Variants in VAV2 observed in about 807,000 individuals in gnomAD.
The protein encoded by VAV2 is vav guanine nucleotide exchange factor 2.
VAV2 carries 67 observed loss-of-function variants against 132.5 expected under a neutral mutation model. The observed-to-expected ratio is 0.51, with a 90% CI of 0.42 to 0.62. VAV2 has a LOEUF of 0.62. Ranked by LOEUF, VAV2 falls within the 20% of genes least tolerant of loss-of-function variation. The pLI is 0.00. For missense variants in VAV2, 938 were observed against 1,153.6 expected (o/e 0.81, Z 2.71); for synonymous variants, 492 against 443.5 (o/e 1.11, Z -1.37).
chr9:133,834,372 A>C lies in VAV2; in HGVS notation c.381-32T>G. On this transcript the variant is annotated intron_variant, in intron 3 of 29. Transcript: ENST00000371850. The surrounding 1 kb of genome is among the most constrained non-coding windows in gnomAD (Gnocchi z 5.9). Reference sequence around the variant, plus strand: ...AAGAGAAGGCGAGAGGGAGGTGAGCAGGTCCCGGCACTGCCGGCCAGTGGG... The same window carrying C: ...AAGAGAAGGCGAGAGGGAGGTGAGCCGGTCCCGGCACTGCCGGCCAGTGGG... The C allele has an allele frequency of 1.9e-6, 3 of 1,603,974 alleles. No homozygotes were observed. Among genetic ancestry groups the C allele is most frequent in the Non-Finnish European group, 2.6e-6 (3 of 1,174,938 alleles).
intron 2 of VAV2, among the ~76,000 whole-genome samples, chr9:133,881,012 A>AC (rs558480176): frequency 6.6e-6 from 1 of 151,822 alleles, no homozygotes; most frequent in African/African-American, 2.4e-5. Flanking sequence ...GGGCAGCAAC[A>AC]CCCCCCTCCA....
At chr9:133,937,493 A>T (rs1480803656) in intron 2 of VAV2, among the ~76,000 whole-genome samples, 188 of 149,154 alleles carry the variant, frequency 1.3e-3, no homozygotes, top group Non-Finnish European at 2.1e-3. Context: ...TGGGTGCAAG[A>T]GTGTGTGCGT....
intron 4 of VAV2, among the ~76,000 whole-genome samples, chr9:133,820,489 A>T (rs78122139): frequency 1.3e-5 from 2 of 151,804 alleles, no homozygotes; most frequent in Non-Finnish European, 1.5e-5. Flanking sequence ...ACGCCCGGCT[A>T]ATTTTTTTTG....
intron 2 of VAV2, among the ~76,000 whole-genome samples, chr9:133,876,545 G>A (rs1009025173): frequency 1.3e-5 from 2 of 152,266 alleles, no homozygotes; most frequent in Non-Finnish European, 2.9e-5. Flanking sequence ...ACCAAAGAGC[G>A]GAGGCCTGTC....
chr9:133,962,960 T>C (rs569023918), intron 1 of VAV2, among the ~76,000 whole-genome samples: 1 of 152,302 alleles, frequency 6.6e-6, no homozygotes, highest in Non-Finnish European at 1.5e-5. Context: ...TTTGCAAATC[T>C]CAATTTCGCC....
intron 2 of VAV2, among the ~76,000 whole-genome samples, 177 bp from the exon 3 acceptor site, chr9:133,861,609 A>G (rs1226961137): frequency 1.3e-5 from 2 of 152,216 alleles, no homozygotes; most frequent in East Asian, 1.9e-4. Context: ...TTTGCTGAGC[A>G]AAACTTGTCA....
intron 19 of VAV2, 38 bp downstream of exon 19, chr9:133,783,465 G>A (rs1028841766): frequency 3.8e-6 from 6 of 1,566,134 alleles, no homozygotes; most frequent in Non-Finnish European, 5.2e-6. Flanking sequence ...AGCAGGCGTG[G>A]CCAGGGACTG....
chr9:133,950,909 G>A (rs1588159600), intron 1 of VAV2, among the ~76,000 whole-genome samples: 1 of 152,082 alleles, frequency 6.6e-6, no homozygotes, highest in South Asian at 2.1e-4. Flanking sequence ...AGCGCAATTG[G>A]ACAATCCAAC....
intron 24 of VAV2, 80 bp downstream of exon 24, chr9:133,775,948 C>T: frequency 1.3e-6 from 2 of 1,503,750 alleles, no homozygotes; most frequent in African/African-American, 1.4e-5. Flanking sequence ...CGCTCACAGG[C>T]ACCACCCAGA....
rs1012487581 is a variant in VAV2 at position 133,772,024 on chromosome 9, T to C, written c.2158A>G (p.Ile720Val). The C allele has an allele frequency of 4.9e-6, 7 of 1,419,706 alleles. No individual in the cohort carries two copies. Among genetic ancestry groups the C allele is most frequent in the East Asian group, 2.3e-5 (1 of 44,270 alleles). 87.9% of individuals were successfully genotyped at this position (1,419,706 alleles called of 1,614,324 possible). The change falls in exon 26 of 30, where the codon ATC becomes GTC. Residue 720 changes from isoleucine to valine, a missense_variant. By Grantham distance (29) the Ile-to-Val change is conservative. Transcript: ENST00000371850. ...SIKFNDEVKH[I>V]KVVEKDNWIH... is the part of the protein sequence containing the mutation. ...CAGTTGTCCTTCTCCACCACCTTGATGTGCTTCACCTCATCATTGAACCTG... is the reference window on the plus strand; with the variant it reads ...CAGTTGTCCTTCTCCACCACCTTGACGTGCTTCACCTCATCATTGAACCTG...
In VAV2 at chr9:133,904,137, G is replaced by GA. The variant is rs1017713670; in HGVS notation, c.321+34965dup. Among the ~76,000 whole-genome samples, 91 of 152,284 alleles carry GA rather than the reference G, an allele frequency of 6.0e-4. 1 individual carries two copies. The highest frequency in any genetic ancestry group is 1.0e-3 in the Non-Finnish European group (71 of 68,018). On this transcript the variant is annotated intron_variant, in intron 2 of 29. Coordinates refer to ENST00000371850, the MANE Select transcript of VAV2 (RefSeq NM_001134398.2). ...TCTGTGCCCCAAATCACAGATGAGC[G>GA]AATGGGGCTCCAGCCCGTGTCCTGG...
rs1840228222 is a variant in VAV2 at position 133,919,788 on chromosome 9, T to C, written c.321+19315A>G. ...TCTTGGCATCCGTGAGGCAGAGACA[T>C]GGAAGATGGAAGGTCCCCGCTGCCC... On this transcript the variant is annotated intron_variant, in intron 2 of 29. Transcript: ENST00000371850. This position sits in a 1 kb window ranked among gnomAD's most constrained non-coding sequence, Gnocchi z 5.8. Among the ~76,000 whole-genome samples the C allele has an allele frequency of 6.6e-6, 1 of 152,118 alleles. No individual in the cohort carries two copies. Among genetic ancestry groups the C allele is most frequent in the South Asian group, 2.1e-4 (1 of 4,824 alleles).
intron 2 of VAV2, among the ~76,000 whole-genome samples, chr9:133,922,594 G>A (rs548694939): frequency 4.6e-5 from 7 of 152,202 alleles, no homozygotes; most frequent in Non-Finnish European, 1.0e-4. Context: ...GCCATTCAGT[G>A]GGAAAGAATC....
chr9:133,851,800 AATGGATGG>A (rs141641770), intron 3 of VAV2, among the ~76,000 whole-genome samples: 115 of 138,142 alleles, frequency 8.3e-4, no homozygotes, highest in African/African-American at 2.4e-3. Context: ...TGGGTGAATA[AATGGATGG>A]ATGGATGGAT....
chr9:133,941,511 G>T (rs1351176552), intron 1 of VAV2, among the ~76,000 whole-genome samples: 1 of 151,696 alleles, frequency 6.6e-6, no homozygotes, highest in African/African-American at 2.4e-5. Flanking sequence ...TAGACAATGT[G>T]AGTCTAAAAC....
intron 2 of VAV2, among the ~76,000 whole-genome samples, chr9:133,905,849 T>C (rs1294212804): frequency 1.1e-4 from 16 of 147,982 alleles, no homozygotes; most frequent in Admixed American, 1.1e-3. Context: ...CCAGCCTGGG[T>C]AACGTGGCGA....
chr9:133,966,131 T>C (rs760258790), intron 1 of VAV2, among the ~76,000 whole-genome samples: 2 of 152,118 alleles, frequency 1.3e-5, no homozygotes, highest in Non-Finnish European at 1.5e-5. Flanking sequence ...AAGAATCAAA[T>C]CAAATGGGAT....
At chr9:133,933,963 GATGA>G (rs1840805865) in intron 2 of VAV2, among the ~76,000 whole-genome samples, 1 of 149,858 alleles carries the variant, frequency 6.7e-6, no homozygotes, top group Non-Finnish European at 1.5e-5. Context: ...TGGATGGATG[GATGA>G]ATGGATGGAA....
At chr9:133,815,794 G>A (rs1188010561) in intron 4 of VAV2, among the ~76,000 whole-genome samples, 2 of 152,182 alleles carry the variant, frequency 1.3e-5, no homozygotes, top group African/African-American at 2.4e-5. Context: ...GTGTATGCAC[G>A]CACGCCTGTG....
Sources: allele counts gnomAD v4.1 joint callset (sites outside exome capture counted in the v4.1 genomes callset), GRCh38; gene constraint gnomAD v4.1.1; non-coding constraint Gnocchi (gnomAD v3.1); transcripts MANE v1.5; gene names NCBI Gene and HGNC (gene_info 2026-07-23, HGNC 2026-07-21).